Variants in TAF15 observed in about 807,000 individuals in gnomAD.
The protein encoded by TAF15 is TATA-box binding protein associated factor 15, also known as TATA-binding protein-associated factor 2N.
TAF15 carries 37 observed loss-of-function variants against 102.5 expected under a neutral mutation model. The ratio of observed to expected loss-of-function variants is 0.36; its 90% CI spans 0.28 to 0.47. The LOEUF is 0.47. TAF15 is among the 20% of genes least tolerant of loss of function. The pLI is 0.99. For synonymous variants in TAF15, 273 were observed against 259.2 expected (o/e 1.05, Z -0.51); for missense variants, 652 against 760.7 (o/e 0.86, Z 1.68).
chr17:35,818,913 A>T (rs1209621188), intron 2 of TAF15, among the ~76,000 whole-genome samples: 3 of 152,128 alleles, frequency 2.0e-5, no homozygotes, highest in African/African-American at 7.2e-5. Flanking sequence ...TTCAGAGCAC[A>T]TTTTTTTAAA....
intron 2 of TAF15, among the ~76,000 whole-genome samples, chr17:35,819,189 A>G (rs1349944178): frequency 6.6e-6 from 1 of 152,242 alleles, no homozygotes; most frequent in East Asian, 1.9e-4. Flanking sequence ...CCTAGTAGGT[A>G]TCTAGCAAAA....
At chr17:35,821,058 C>G (rs924539582) in intron 5 of TAF15, among the ~76,000 whole-genome samples, 1 of 152,092 alleles carries the variant, frequency 6.6e-6, no homozygotes, top group East Asian at 1.9e-4. Context: ...TCTTCAGATA[C>G]CACTATGAAA....
intron 7 of TAF15, among the ~76,000 whole-genome samples, chr17:35,831,942 C>T (rs893495359): frequency 6.6e-6 from 1 of 151,936 alleles, no homozygotes; most frequent in Non-Finnish European, 1.5e-5. Flanking sequence ...ATTAGCCGGG[C>T]GTGGTGGCGC....
intron 8 of TAF15, 86 bp from the exon 9 acceptor site, chr17:35,834,477 TTTC>T: frequency 7.9e-7 from 1 of 1,272,492 alleles, no homozygotes; most frequent in Non-Finnish European, 1.1e-6. Context: ...AGTATTGACT[TTTC>T]ATGCCTTGGT....
At chr17:35,809,627 G>A (rs1425777334) in intron 1 of TAF15, 51 bp downstream of exon 1, 1 of 1,612,526 alleles carries the variant, frequency 6.2e-7, no homozygotes, top group Non-Finnish European at 8.5e-7. Flanking sequence ...GTCCTGGCGG[G>A]GTTGGGCTGT....
chr17:35,836,059 T>C, intron 9 of TAF15, 73 bp from the exon 10 acceptor site: 3 of 1,042,958 alleles, frequency 2.9e-6, no homozygotes, highest in South Asian at 2.7e-5. Flanking sequence ...CAATAAATTA[T>C]TGTCTTTGAT....
chr17:35,843,990 G>A, intron 12 of TAF15, 87 bp from the exon 13 acceptor site: 2 of 1,129,954 alleles, frequency 1.8e-6, no homozygotes, highest in Non-Finnish European at 2.7e-6. Context: ...AGTATTGATG[G>A]GTATCTACTC....
At chr17:35,833,828 G>A in intron 7 of TAF15, 79 bp from the exon 8 acceptor site, 2 of 1,461,804 alleles carry the variant, frequency 1.4e-6, no homozygotes, top group Non-Finnish European at 1.9e-6. Context: ...ACTTGTGACA[G>A]TTAAGTGTAG....
At position 35,820,168 on chromosome 17, in the gene TAF15, A is replaced by T. The variant is rs758845012; in HGVS notation, c.104A>T (p.Tyr35Phe). 4.3e-6 allele frequency: 7 copies of T among 1,614,002 alleles called. No individual in the cohort carries two copies. The highest frequency in any genetic ancestry group is 1.7e-5 in the Admixed American group (1 of 60,000). Residue 35 changes from tyrosine (Y) to phenylalanine (F), a missense_variant, in exon 4 of 16, where the codon TAT becomes TTT. By Grantham distance (22) the Tyr-to-Phe change is conservative. Around this residue, in one of 3 missense-constraint regions of TAF15, gnomAD observed 243 missense variants for 284.1 expected, o/e 0.86. Coordinates refer to ENST00000605844, the MANE Select transcript of TAF15 (RefSeq NM_139215.3). ...GAGTATTTACCTAAATTTCAGAGCT[A>T]TTCTGGCTATGGGCAAACGACTGAT... ...SQGYGQASQS[Y>F]SGYGQTTDSS...
intron 11 of TAF15, 32 bp from the exon 12 acceptor site, chr17:35,842,335 C>T: frequency 1.9e-6 from 3 of 1,542,392 alleles, no homozygotes; most frequent in Non-Finnish European, 2.7e-6. Flanking sequence ...TATAGAGTAG[C>T]ATTGCTTCAA....
chr17:35,824,384 C>G, intron 7 of TAF15, 186 bp downstream of exon 7: 2 of 768,500 alleles, frequency 2.6e-6, no homozygotes, highest in South Asian at 1.9e-5. Flanking sequence ...ACATAAATGA[C>G]CTTAGAATTG....
chr17:35,817,869 A>T (rs2087213256), intron 2 of TAF15, 114 bp downstream of exon 2: 4 of 930,122 alleles, frequency 4.3e-6, no homozygotes, highest in Admixed American at 1.8e-5. Context: ...TTAGCTTGTC[A>T]CAGAGTGAAG....
Position 35,845,572 on chromosome 17 carries a change from G to T in TAF15, c.1739+534G>T, listed in dbSNP as rs758404634. Among the ~76,000 whole-genome samples, 4 of 152,044 alleles carry T rather than the reference G, an allele frequency of 2.6e-5. 1 individual carries two copies. In the South Asian group the frequency reaches 6.2e-4, roughly 24 times the overall value. ...CACCTGCTGGAAATTCTTTGCAGTG[G>T]CGCAGTCTCGGCTCACTGCAAGCCC... is the stretch of plus-strand genomic sequence containing the variant. On this transcript the variant is annotated intron_variant, in intron 15 of 15. Coordinates refer to ENST00000605844, the MANE Select transcript of TAF15 (RefSeq NM_139215.3).
chr17:35,835,057 T>G (rs1478710435), intron 9 of TAF15, among the ~76,000 whole-genome samples: 1 of 152,136 alleles, frequency 6.6e-6, no homozygotes, highest in African/African-American at 2.4e-5. Flanking sequence ...GAGCTTTATT[T>G]CTAAAGAAGT....
In TAF15 at chr17:35,838,621, A is replaced by G. The variant is rs980761675; in HGVS notation, c.913+68A>G. 9 of 1,607,952 alleles carry G rather than the reference A, an allele frequency of 5.6e-6. No homozygotes were observed. In the African/African-American group the frequency reaches 9.4e-5, roughly 17 times the overall value. On this transcript the variant is annotated intron_variant, in intron 11 of 15. Coordinates refer to ENST00000605844, the MANE Select transcript of TAF15 (RefSeq NM_139215.3). The stretch of plus-strand genomic sequence containing the variant: ...TGTTTTCTAGTCTGAAAGTGAGAAT[A>G]TGCTCTGGGTGACAGTGATTATATT...
intron 7 of TAF15, 88 bp from the exon 8 acceptor site, chr17:35,833,819 C>A: frequency 1.4e-6 from 2 of 1,380,414 alleles, no homozygotes; most frequent in Non-Finnish European, 2.1e-6. Context: ...AAGCACTCTA[C>A]TTGTGACAGT....
intron 11 of TAF15, among the ~76,000 whole-genome samples, chr17:35,838,754 C>A (rs2087505835): frequency 2.0e-5 from 3 of 152,132 alleles, no homozygotes; most frequent in South Asian, 2.1e-4. Flanking sequence ...TTATATCATG[C>A]CTTGTGCATG....
chr17:35,822,189 A>G (rs1445743883), intron 5 of TAF15, among the ~76,000 whole-genome samples: 2 of 152,044 alleles, frequency 1.3e-5, no homozygotes, highest in South Asian at 2.1e-4. Context: ...TAAAAATACA[A>G]AATTAGCCAG....
chr17:35,839,509 G>A (rs1376527297), intron 11 of TAF15, among the ~76,000 whole-genome samples: 2 of 148,144 alleles, frequency 1.4e-5, no homozygotes, highest in South Asian at 2.1e-4. Flanking sequence ...AGCCTCCCCA[G>A]TAGCTGGGAC....
Sources: gnomAD v4.1 joint callset for allele counts (sites outside exome capture counted in the v4.1 genomes callset) on GRCh38, gnomAD v4.1.1 for gene constraint, gnomAD v4.1.1 regional missense constraint, MANE v1.5 for transcripts, NCBI Gene and HGNC (gene_info 2026-07-23, HGNC 2026-07-21) for gene names.